FBXO8: variants seen among roughly 807,000 people sequenced by gnomAD.
FBXO8 encodes F-box only protein 8.
FBXO8 carries 15 observed loss-of-function variants against 33.4 expected under a neutral mutation model. The ratio of observed to expected loss-of-function variants is 0.45; its 90% CI spans 0.30 to 0.69. The LOEUF (loss-of-function observed/expected upper bound fraction) is 0.69. Among genes scored for constraint, FBXO8 ranks in the 30% least tolerant of loss-of-function variants. The pLI, the probability that FBXO8 is intolerant of heterozygous loss-of-function variation, is 0.08. For synonymous variants in FBXO8, 132 were observed against 131.5 expected (o/e 1.00, Z -0.02); for missense variants, 274 against 380.3 (o/e 0.72, Z 2.32).
At position 174,283,525 on chromosome 4, in the gene FBXO8, A is replaced by G. The variant is rs11555602; in HGVS notation, c.-124T>C. The G allele has an allele frequency of 0.13, 25,070 of 187,458 alleles. 1,884 individuals are homozygous for G. Among genetic ancestry groups the G allele is most frequent in the Non-Finnish European group, 0.16 (14,848 of 91,648 alleles). The allele number at this position is 187,458 out of a possible 1,614,324, so 11.6% of individuals were successfully genotyped here. A position where few individuals can be genotyped will look rare whatever the true frequency, so the allele number is the denominator to read the frequency against. On this transcript the variant is annotated 5_prime_UTR_variant, in exon 1 of 6. Coordinates refer to ENST00000393674, the MANE Select transcript of FBXO8 (RefSeq NM_012180.3). The surrounding 1 kb of genome is among the most constrained non-coding windows in gnomAD (Gnocchi z 6.7). ...TGGTGCCCAGGCCATGGAGAAGCTGATTCAAACTTTACTTGTCCACACCGG... is the reference window on the plus strand; with the variant it reads ...TGGTGCCCAGGCCATGGAGAAGCTGGTTCAAACTTTACTTGTCCACACCGG...
At position 174,255,696 on chromosome 4, in the gene FBXO8, T is replaced by C. The variant is rs1023010632; in HGVS notation, c.456+4003A>G. 7.9e-5 allele frequency among the ~76,000 whole-genome samples: 12 copies of C among 152,076 alleles called. No individual in the cohort carries two copies. Among genetic ancestry groups the C allele is most frequent in the Admixed American group, 5.2e-4 (8 of 15,258 alleles). Reference sequence around the variant, plus strand: ...ATAAGCCTATATTAAAGTTAAACCATGTTCACTACCAATTTTTCAGATCCT... The same window carrying C: ...ATAAGCCTATATTAAAGTTAAACCACGTTCACTACCAATTTTTCAGATCCT... On this transcript the variant is annotated intron_variant, in intron 3 of 5. Transcript: ENST00000393674. The surrounding 1 kb of genome is among the most constrained non-coding windows in gnomAD (Gnocchi z 4.3).
At position 174,259,251 on chromosome 4, in the gene FBXO8, G is replaced by T. The variant is rs1171699838; in HGVS notation, c.456+448C>A. On this transcript the variant is annotated intron_variant, in intron 3 of 5. Transcript: ENST00000393674. The surrounding 1 kb of genome is among the most constrained non-coding windows in gnomAD (Gnocchi z 4.3). The stretch of plus-strand genomic sequence containing the variant: ...AATTATATTGTTAAAGGCATTATTT[G>T]AAGACAACGTTTTGATTTGTCAGAA... Among the ~76,000 whole-genome samples the T allele has an allele frequency of 6.6e-6, 1 of 151,926 alleles. No individual in the cohort carries two copies. Among genetic ancestry groups the T allele is most frequent in the East Asian group, 1.9e-4 (1 of 5,198 alleles).
At chr4:174,240,136 CAAAA>C (rs543054382) in intron 4 of FBXO8, among the ~76,000 whole-genome samples, 1,462 of 49,414 alleles carry the variant, frequency 0.03, 8 homozygotes, top group Middle Eastern at 0.058. Flanking sequence ...AAAATATTTA[CAAAA>C]AAAAAAAAAA....
At position 174,237,590 on chromosome 4, in the gene FBXO8, T is replaced by C. The variant is rs1169939904; in HGVS notation, c.782A>G (p.Tyr261Cys). The C allele has an allele frequency of 2.5e-6, 4 of 1,594,462 alleles. No homozygotes were observed. The highest frequency in any genetic ancestry group is 3.4e-6 in the Non-Finnish European group (4 of 1,167,826). ...TAGAATCAAAGAGTAGCACAGTACA[T>C]AGACAGCATCTGGAAAGAAAAAGAA... ...RELGLSPDAV[Y>C]VLCYSLILLS... The change falls in exon 6 of 6, where the codon TAT (tyrosine) becomes TGT (cysteine). Residue 261 changes from tyrosine (Y) to cysteine (C), a missense_variant. By Grantham distance (194) the Tyr-to-Cys change is radical (BLOSUM62 -2). Around this residue, in one of 2 missense-constraint regions of FBXO8, gnomAD observed 186 missense variants for 293.4 expected, o/e 0.63. Transcript: ENST00000393674. The surrounding 1 kb of genome is among the most constrained non-coding windows in gnomAD (Gnocchi z 4.4).
chr4:174,254,128 T>C lies in FBXO8; in HGVS notation c.456+5571A>G, dbSNP rs1387758622. On this transcript the variant is annotated intron_variant, in intron 3 of 5. Transcript: ENST00000393674. The surrounding 1 kb of genome is among the most constrained non-coding windows in gnomAD (Gnocchi z 4.2). ...GTACTGCAAGAAGCCAGTCATAAAA[T>C]GTGGAACATGCTGAGTCGAGCAGCA... 6.6e-6 allele frequency among the ~76,000 whole-genome samples: 1 copy of C among 152,216 alleles called. No homozygotes were observed. Among genetic ancestry groups the C allele is most frequent in the Non-Finnish European group, 1.5e-5 (1 of 68,038 alleles).
In FBXO8 at chr4:174,272,289, T is replaced by C. The variant is rs889850483; in HGVS notation, c.-8-9189A>G. ...AAAATCCATGAATGCTCAAGTCCCTTGTATAAAATGGCATAGTATACATCC... is the reference window on the plus strand; with the variant it reads ...AAAATCCATGAATGCTCAAGTCCCTCGTATAAAATGGCATAGTATACATCC... On this transcript the variant is annotated intron_variant, in intron 1 of 5. Transcript: ENST00000393674. The surrounding 1 kb of genome is among the most constrained non-coding windows in gnomAD (Gnocchi z 4.7). Among the ~76,000 whole-genome samples the C allele has an allele frequency of 6.6e-6, 1 of 152,226 alleles. No homozygotes were observed. The highest frequency in any genetic ancestry group is 1.5e-5 in the Non-Finnish European group (1 of 68,028).
intron 1 of FBXO8, among the ~76,000 whole-genome samples, chr4:174,273,490 T>C (rs545508660): frequency 3.6e-4 from 55 of 152,118 alleles, no homozygotes; most frequent in African/African-American, 1.3e-3. Flanking sequence ...GGGCTGAAGA[T>C]TGGATAAAAA....
chr4:174,248,110 T>C lies in FBXO8; in HGVS notation c.457-6892A>G, dbSNP rs188850357. Among the ~76,000 whole-genome samples the C allele has an allele frequency of 6.9e-3, 1,052 of 152,162 alleles. 9 individuals carry two copies. Among genetic ancestry groups the C allele is most frequent in the Non-Finnish European group, 0.01 (697 of 67,972 alleles). On this transcript the variant is annotated intron_variant, in intron 3 of 5. Coordinates refer to ENST00000393674, the MANE Select transcript of FBXO8 (RefSeq NM_012180.3). Reference sequence around the variant, plus strand: ...TAATTAGTATGTTTAAGACTAGGTGTCTATGTTTTTATCCTGTCATTTCAT... The same window carrying C: ...TAATTAGTATGTTTAAGACTAGGTGCCTATGTTTTTATCCTGTCATTTCAT...
At chr4:174,268,650 A>C (rs1051551469) in intron 1 of FBXO8, among the ~76,000 whole-genome samples, 1 of 152,026 alleles carries the variant, frequency 6.6e-6, no homozygotes, top group Non-Finnish European at 1.5e-5. Flanking sequence ...GTTAGCCAGG[A>C]TGGTCTCCAT....
chr4:174,267,784 A>G lies in FBXO8; in HGVS notation c.-8-4684T>C, dbSNP rs1736727039. On this transcript the variant is annotated intron_variant, in intron 1 of 5. Transcript: ENST00000393674. This position sits in a 1 kb window ranked among gnomAD's most constrained non-coding sequence, Gnocchi z 4.7. ...TTTAAAACTGAAACATAATATTATA[A>G]AAGATATATTACTGTCCTGTCACTT... is the stretch of plus-strand genomic sequence containing the variant. Among the ~76,000 whole-genome samples the G allele has an allele frequency of 1.3e-5, 2 of 152,226 alleles. No homozygotes were observed. Among genetic ancestry groups the G allele is most frequent in the Admixed American group, 1.3e-4 (2 of 15,286 alleles).
intron 1 of FBXO8, among the ~76,000 whole-genome samples, chr4:174,268,644 G>A (rs1017712581): frequency 6.6e-6 from 1 of 152,116 alleles, no homozygotes; most frequent in African/African-American, 2.4e-5. Context: ...CACCGTGTTA[G>A]CCAGGATGGT....
chr4:174,280,621 G>A (rs1484327635), intron 1 of FBXO8, among the ~76,000 whole-genome samples: 2 of 152,178 alleles, frequency 1.3e-5, no homozygotes, highest in Non-Finnish European at 1.5e-5. Context: ...TAAGCAAAAT[G>A]TGGCTGACAC....
At position 174,237,950 on chromosome 4, in the gene FBXO8, C is replaced by T. The variant is rs1282074330; in HGVS notation, c.773-351G>A. Among the ~76,000 whole-genome samples the T allele has an allele frequency of 1.3e-5, 2 of 151,890 alleles. No individual in the cohort carries two copies. Among genetic ancestry groups the T allele is most frequent in the African/African-American group, 4.8e-5 (2 of 41,390 alleles). ...AGAATTGGCTTTATTTTCGTCTTTGCTTTCAAATGTGATATTTCTATTCAA... is the reference window on the plus strand; with the variant it reads ...AGAATTGGCTTTATTTTCGTCTTTGTTTTCAAATGTGATATTTCTATTCAA... On this transcript the variant is annotated intron_variant, in intron 5 of 5. Coordinates refer to ENST00000393674, the MANE Select transcript of FBXO8 (RefSeq NM_012180.3). The surrounding 1 kb of genome is among the most constrained non-coding windows in gnomAD (Gnocchi z 4.4).
In FBXO8 at chr4:174,277,264, T is replaced by C. The variant is rs1736981584; in HGVS notation, c.-9+6146A>G. ...TTGTTTCCTATTCAAAATAGTAGAC[T>C]ATTTCTTAAAAAGACTAAAATACAA... is the stretch of plus-strand genomic sequence containing the variant. On this transcript the variant is annotated intron_variant, in intron 1 of 5. Transcript: ENST00000393674. This position sits in a 1 kb window ranked among gnomAD's most constrained non-coding sequence, Gnocchi z 4.9. Among the ~76,000 whole-genome samples, 1 of 152,184 alleles carries C rather than the reference T, an allele frequency of 6.6e-6. No homozygotes were observed. The highest frequency in any genetic ancestry group is 1.5e-5 in the Non-Finnish European group (1 of 67,998).
intron 3 of FBXO8, among the ~76,000 whole-genome samples, chr4:174,258,353 GATAA>G (rs1180552644): frequency 3.9e-5 from 6 of 152,108 alleles, no homozygotes; most frequent in Admixed American, 6.6e-5. Flanking sequence ...TTAAATTTAT[GATAA>G]ATAGTTTATC....
chr4:174,250,410 A>G (rs906343900), intron 3 of FBXO8, among the ~76,000 whole-genome samples: 2 of 152,088 alleles, frequency 1.3e-5, no homozygotes, highest in Non-Finnish European at 2.9e-5. Flanking sequence ...AGCGGCAGAT[A>G]AAACCCCAGC....
chr4:174,257,591 C>G lies in FBXO8; in HGVS notation c.456+2108G>C, dbSNP rs1736444698. 6.6e-6 allele frequency among the ~76,000 whole-genome samples: 1 copy of G among 152,116 alleles called. No individual in the cohort carries two copies. The highest frequency in any genetic ancestry group is 1.5e-5 in the Non-Finnish European group (1 of 68,008). ...ATGTACTGTACAGTACAGCACTGTA[C>G]CATTCTGCCTCAGTTTTACTCCAGC... On this transcript the variant is annotated intron_variant, in intron 3 of 5. Coordinates refer to ENST00000393674, the MANE Select transcript of FBXO8 (RefSeq NM_012180.3). This position sits in a 1 kb window ranked among gnomAD's most constrained non-coding sequence, Gnocchi z 4.3.
In FBXO8 at chr4:174,254,560, G is replaced by A. The variant is rs1736376383; in HGVS notation, c.456+5139C>T. On this transcript the variant is annotated intron_variant, in intron 3 of 5. Coordinates refer to ENST00000393674, the MANE Select transcript of FBXO8 (RefSeq NM_012180.3). The surrounding 1 kb of genome is among the most constrained non-coding windows in gnomAD (Gnocchi z 4.2). Reference sequence around the variant, plus strand: ...ATGGTCTATTAGTTACAAATTATTTGACACAGATATATTTATCAATATGTA... The same window carrying A: ...ATGGTCTATTAGTTACAAATTATTTAACACAGATATATTTATCAATATGTA... 6.6e-6 allele frequency among the ~76,000 whole-genome samples: 1 copy of A among 152,090 alleles called. No homozygotes were observed. Among genetic ancestry groups the A allele is most frequent in the African/African-American group, 2.4e-5 (1 of 41,414 alleles).
At position 174,277,972 on chromosome 4, in the gene FBXO8, G is replaced by C. The variant is rs1736993501; in HGVS notation, c.-9+5438C>G. Among the ~76,000 whole-genome samples, 1 of 152,058 alleles carries C rather than the reference G, an allele frequency of 6.6e-6. No individual in the cohort carries two copies. Among genetic ancestry groups the C allele is most frequent in the Admixed American group, 6.5e-5 (1 of 15,280 alleles). ...CATAAGAACATGGGAGAGTCTATGAGAAAATATTTTCTGAGACATTTTGAA... is the reference window on the plus strand; with the variant it reads ...CATAAGAACATGGGAGAGTCTATGACAAAATATTTTCTGAGACATTTTGAA... On this transcript the variant is annotated intron_variant, in intron 1 of 5. Transcript: ENST00000393674. The surrounding 1 kb of genome is among the most constrained non-coding windows in gnomAD (Gnocchi z 4.9).
Sources: allele counts gnomAD v4.1 joint callset (sites outside exome capture counted in the v4.1 genomes callset), GRCh38; gene constraint gnomAD v4.1.1; regional missense constraint gnomAD v4.1.1; non-coding constraint Gnocchi (gnomAD v3.1); transcripts MANE v1.5; gene names NCBI Gene and HGNC (gene_info 2026-07-23, HGNC 2026-07-21).